The following ADGRE1 variants were observed in gnomAD, a reference collection of about 807,000 sequenced individuals.
The protein encoded by ADGRE1 is adhesion G protein-coupled receptor E1.
A neutral mutation model predicts 102.7 loss-of-function variants in ADGRE1; 82 were observed. The observed-to-expected ratio is 0.80, with a 90% CI of 0.67 to 0.96. The LOEUF (loss-of-function observed/expected upper bound fraction) is 0.96. ADGRE1 is among the 40% of genes least tolerant of loss of function. The pLI, the probability that ADGRE1 is intolerant of heterozygous loss-of-function variation, is 0.00. For synonymous variants in ADGRE1, 398 were observed against 399.6 expected (o/e 1.00, Z 0.05); for missense variants, 1,032 against 1,085.3 (o/e 0.95, Z 0.69).
At chr19:6,896,256 AG>A (rs1257327989) in intron 2 of ADGRE1, 141 bp from the exon 3 acceptor site, 35 of 718,266 alleles carry the variant, frequency 4.9e-5, no homozygotes, top group Non-Finnish European at 7.2e-5. Context: ...CACAGGTACC[AG>A]GGTTTAGGAC....
At chr19:6,926,753 A>G in intron 16 of ADGRE1, 152 bp downstream of exon 16, 3 of 745,508 alleles carry the variant, frequency 4.0e-6, no homozygotes. Context: ...CAGGACCACC[A>G]TGTACAGCAG....
At chr19:6,904,714 G>A (rs1973894255) in intron 8 of ADGRE1, among the ~76,000 whole-genome samples, 1 of 152,016 alleles carries the variant, frequency 6.6e-6, no homozygotes, top group Admixed American at 6.6e-5. Context: ...CACCATGTTA[G>A]CCAGGATGGT....
chr19:6,928,379 A>G, intron 17 of ADGRE1, 168 bp downstream of exon 17: 2 of 1,458,786 alleles, frequency 1.4e-6, no homozygotes, highest in Non-Finnish European at 1.8e-6. Context: ...TAATCCCAGC[A>G]CTTTGGGAGG....
At position 6,890,508 on chromosome 19, in the gene ADGRE1, G is replaced by T. The variant is rs1422289063; in HGVS notation, c.59G>T (p.Gly20Val). Residue 20 changes from glycine to valine, a missense_variant, in exon 2 of 21, where the codon GGG becomes GTG. Coordinates refer to ENST00000312053, the MANE Select transcript of ADGRE1 (RefSeq NM_001974.5). ...WGCCVMHSWE[G>V]HIRPTRKPNT... ...TGTTGTGTTATGCACAGCTGGGAAGGGCACATAAGACCCACACGGAAACCA... is the reference window on the plus strand; with the variant it reads ...TGTTGTGTTATGCACAGCTGGGAAGTGCACATAAGACCCACACGGAAACCA... The T allele has an allele frequency of 6.2e-7, 1 of 1,612,538 alleles. No individual in the cohort carries two copies.
intron 11 of ADGRE1, among the ~76,000 whole-genome samples, chr19:6,914,824 C>A (rs909734548): frequency 1.1e-4 from 17 of 152,002 alleles, no homozygotes; most frequent in African/African-American, 3.4e-4. Context: ...CAGAGTAAGT[C>A]TCATTGGGGC....
chr19:6,936,436 CAA>C (rs543860591), intron 18 of ADGRE1, among the ~76,000 whole-genome samples: 1 of 134,594 alleles, frequency 7.4e-6, no homozygotes, highest in Non-Finnish European at 1.6e-5. Context: ...ACTCCATCTC[CAA>C]AAAAAAAAAA....
At chr19:6,902,050 G>A in intron 6 of ADGRE1, 29 bp downstream of exon 6, 1 of 1,612,354 alleles carries the variant, frequency 6.2e-7, no homozygotes, top group Non-Finnish European at 8.5e-7. Flanking sequence ...TGAGAAGTCA[G>A]GTCCAAGTCT....
chr19:6,893,716 A>G (rs919997678), intron 2 of ADGRE1, among the ~76,000 whole-genome samples: 4 of 152,090 alleles, frequency 2.6e-5, no homozygotes, highest in Admixed American at 6.5e-5. Context: ...ATTTTCACAT[A>G]TGGGTATTGG....
At chr19:6,928,075 G>A (rs1974992533) in intron 16 of ADGRE1, 70 bp from the exon 17 acceptor site, 3 of 1,538,256 alleles carry the variant, frequency 2.0e-6, no homozygotes, top group Non-Finnish European at 1.8e-6. Context: ...TAGGGCATTT[G>A]TTGGGACAGG....
intron 13 of ADGRE1, among the ~76,000 whole-genome samples, chr19:6,920,235 T>TCTTTTTTTC: frequency 6.7e-6 from 1 of 148,854 alleles, no homozygotes; most frequent in Non-Finnish European, 1.5e-5. Flanking sequence ...TTGCTTCTTT[T>TCTTTTTTTC]TTTTTTTTTA....
chr19:6,919,945 A>C (rs530195623), intron 13 of ADGRE1, among the ~76,000 whole-genome samples, 198 bp downstream of exon 13: 1 of 152,284 alleles, frequency 6.6e-6, no homozygotes. Flanking sequence ...AACTAGGTCC[A>C]TTTGCCCATG....
intron 2 of ADGRE1, chr19:6,895,067 G>A (rs1255084024): frequency 1.3e-5 from 2 of 152,196 alleles, no homozygotes; most frequent in Non-Finnish European, 2.9e-5. Flanking sequence ...ACAGCGTCGT[G>A]GAACAACCTT....
intron 10 of ADGRE1, among the ~76,000 whole-genome samples, chr19:6,911,139 G>T (rs755556445): frequency 6.6e-6 from 1 of 152,120 alleles, no homozygotes; most frequent in South Asian, 2.1e-4. Flanking sequence ...GGGGAGGGGA[G>T]TCCCACACCC....
intron 2 of ADGRE1, 195 bp from the exon 3 acceptor site, chr19:6,896,203 T>C: frequency 1.8e-6 from 1 of 546,564 alleles, no homozygotes; most frequent in Non-Finnish European, 3.2e-6. Flanking sequence ...ACTTTTATCT[T>C]AATTGCATCT....
chr19:6,935,568 C>T (rs756202831), intron 18 of ADGRE1, among the ~76,000 whole-genome samples: 3 of 152,060 alleles, frequency 2.0e-5, no homozygotes, highest in Non-Finnish European at 4.4e-5. Flanking sequence ...AAATTTGTAG[C>T]ACATTGTATT....
At chr19:6,915,941 A>C (rs938573778) in intron 11 of ADGRE1, among the ~76,000 whole-genome samples, 2 of 150,682 alleles carry the variant, frequency 1.3e-5, no homozygotes. Context: ...AAAAAAAAAA[A>C]AAAAACTTAG....
chr19:6,893,175 G>T (rs1475612150), intron 2 of ADGRE1, among the ~76,000 whole-genome samples: 5 of 152,066 alleles, frequency 3.3e-5, no homozygotes, highest in Non-Finnish European at 7.4e-5. Flanking sequence ...CAAAGGATGG[G>T]ATTTCATTCT....
At chr19:6,917,555 A>G (rs1974441528) in intron 12 of ADGRE1, among the ~76,000 whole-genome samples, 1 of 152,034 alleles carries the variant, frequency 6.6e-6, no homozygotes, top group African/African-American at 2.4e-5. Flanking sequence ...CCTGACCAAT[A>G]TGGTGAAATC....
intron 11 of ADGRE1, 126 bp downstream of exon 11, chr19:6,913,956 C>A: frequency 9.2e-7 from 1 of 1,085,598 alleles, no homozygotes; most frequent in Non-Finnish European, 1.3e-6. Context: ...TTTGAATTCA[C>A]AGCAAAGCAA....
Sources: gnomAD v4.1 joint callset for allele counts (sites outside exome capture counted in the v4.1 genomes callset) on GRCh38, gnomAD v4.1.1 for gene constraint, MANE v1.5 for transcripts, NCBI Gene and HGNC (gene_info 2026-07-23, HGNC 2026-07-21) for gene names.